FAT3: variants seen among roughly 807,000 people sequenced by gnomAD.
The protein encoded by FAT3 is protocadherin Fat 3.
Under a neutral mutation model 310.2 loss-of-function variants are expected in FAT3, and 95 were observed. The ratio of observed to expected loss-of-function variants is 0.31; its 90% CI spans 0.26 to 0.36. FAT3 has a LOEUF of 0.36. Ranked by LOEUF, FAT3 falls within the 10% of genes least tolerant of loss-of-function variation. The pLI is 1.00. For synonymous variants in FAT3, 2,314 were observed against 2,192.9 expected (o/e 1.06, Z -1.54); for missense variants, 5,408 against 5,715.6 (o/e 0.95, Z 1.74).
At chr11:92,669,552 T>G (rs1943065887) in intron 3 of FAT3, among the ~76,000 whole-genome samples, 1 of 152,204 alleles carries the variant, frequency 6.6e-6, no homozygotes, top group Non-Finnish European at 1.5e-5. Flanking sequence ...AATTTATGCT[T>G]TAAAGACAAT....
At chr11:92,258,926 A>G (rs977244685) in intron 1 of FAT3, among the ~76,000 whole-genome samples, 1 of 151,080 alleles carries the variant, frequency 6.6e-6, no homozygotes, top group Non-Finnish European at 1.5e-5. Context: ...GGAGAGGAAG[A>G]TGAAGGATTA....
intron 2 of FAT3, among the ~76,000 whole-genome samples, chr11:92,494,624 T>C (rs1331324388): frequency 6.6e-6 from 1 of 152,016 alleles, no homozygotes; most frequent in East Asian, 1.9e-4. Context: ...ATACATATTA[T>C]AGAGATGAGG....
rs913565724 is a variant in FAT3 at position 92,507,576 on chromosome 11, T to G, written c.3293-17058T>G. ...TGTATATATATACACACACATATCC[T>G]ATATCTGTACACCCTATATAACATA... On this transcript the variant is annotated intron_variant, in intron 2 of 27. Coordinates refer to ENST00000525166, the MANE Select transcript of FAT3 (RefSeq NM_001367949.2). Among the ~76,000 whole-genome samples the G allele has an allele frequency of 1.2e-3, 180 of 151,960 alleles. 15 individuals carry two copies. The highest frequency in any genetic ancestry group is 8.3e-4 in the South Asian group (4 of 4,820).
At chr11:92,836,258 C>T (rs1033302384) in intron 15 of FAT3, among the ~76,000 whole-genome samples, 6 of 152,136 alleles carry the variant, frequency 3.9e-5, no homozygotes, top group African/African-American at 1.4e-4. Flanking sequence ...CAAAGCGTTC[C>T]TGTCCATTAG....
intron 1 of FAT3, among the ~76,000 whole-genome samples, chr11:92,231,447 T>C (rs1864176867): frequency 6.6e-6 from 1 of 152,200 alleles, no homozygotes; most frequent in Non-Finnish European, 1.5e-5. Context: ...TTGCAAATAA[T>C]ATTTCAGTTA....
At chr11:92,349,979 G>GAA (rs34283403) in intron 1 of FAT3, among the ~76,000 whole-genome samples, 12 of 124,564 alleles carry the variant, frequency 9.6e-5, no homozygotes, top group Non-Finnish European at 1.9e-4. Context: ...AGGTGGAGCT[G>GAA]AAAAAAAAAA....
At chr11:92,831,458 T>TC (rs1948247748) in intron 13 of FAT3, among the ~76,000 whole-genome samples, 164 bp from the exon 14 acceptor site, 1 of 152,194 alleles carries the variant, frequency 6.6e-6, no homozygotes. Context: ...GTCTTTTTTT[T>TC]CCCATAAACT....
At chr11:92,777,538 A>G (rs1315732467) in intron 7 of FAT3, among the ~76,000 whole-genome samples, 1 of 152,186 alleles carries the variant, frequency 6.6e-6, no homozygotes, top group Non-Finnish European at 1.5e-5. Context: ...AACACTGACA[A>G]AAACCTCCTA....
Position 92,880,998 on chromosome 11 carries a change from A to G in FAT3, c.12281+114A>G, listed in dbSNP as rs987705339. 1.8e-5 allele frequency: 21 copies of G among 1,166,444 alleles called. No individual in the cohort carries two copies. In the African/African-American group the frequency reaches 3.2e-4, roughly 18 times the overall value. The allele number at this position is 1,166,444 out of a possible 1,614,324, so 72.3% of individuals were successfully genotyped here. On this transcript the variant is annotated intron_variant, in intron 23 of 27. Transcript: ENST00000525166. ...CCACTAATAGTACAGGCAAAGGGTT[A>G]ACATCTGCACGATACGTATAAGGAG...
chr11:92,732,754 T>C (rs1397739782), intron 4 of FAT3, among the ~76,000 whole-genome samples: 1 of 152,198 alleles, frequency 6.6e-6, no homozygotes, highest in African/African-American at 2.4e-5. Context: ...TCAATAAACA[T>C]TTATAGAGAA....
chr11:92,529,902 C>G (rs192021618), intron 3 of FAT3, among the ~76,000 whole-genome samples: 33 of 152,228 alleles, frequency 2.2e-4, no homozygotes, highest in Admixed American at 1.8e-3. Flanking sequence ...TGAAATAAAC[C>G]TGAGTAAAAC....
chr11:92,535,144 T>C (rs149674487), intron 3 of FAT3, among the ~76,000 whole-genome samples: 151 of 152,272 alleles, frequency 9.9e-4, no homozygotes, highest in African/African-American at 3.4e-3. Flanking sequence ...TCCTTTAGCT[T>C]AAAATACTCC....
intron 4 of FAT3, among the ~76,000 whole-genome samples, chr11:92,754,124 C>T (rs1945907171): frequency 6.6e-6 from 1 of 151,726 alleles, no homozygotes; most frequent in African/African-American, 2.4e-5. Context: ...ACCCCAATAA[C>T]ATATGGAAAT....
chr11:92,821,310 C>G (rs544561573), intron 13 of FAT3, among the ~76,000 whole-genome samples: 1 of 152,206 alleles, frequency 6.6e-6, no homozygotes, highest in Non-Finnish European at 1.5e-5. Flanking sequence ...CCAGTAATTT[C>G]TACAAGAAAA....
Position 92,753,798 on chromosome 11 carries a change from G to GTGTGTGTGTGTGTGTGTATATA in FAT3, c.3670-8057_3670-8056insGTGTGTGTGTGTGTGTATATAT. On this transcript the variant is annotated intron_variant, in intron 4 of 27. Coordinates refer to ENST00000525166, the MANE Select transcript of FAT3 (RefSeq NM_001367949.2). ...GGTGTGTGTGTGTGTGTGTGTGTGT[G>GTGTGTGTGTGTGTGTGTATATA]TATATATATATGGTGGAATACTACT... Among the ~76,000 whole-genome samples the GTGTGTGTGTGTGTGTGTATATA allele has an allele frequency of 2.5e-5, 3 of 119,116 alleles. 1 individual carries two copies. Among genetic ancestry groups the GTGTGTGTGTGTGTGTGTATATA allele is most frequent in the African/African-American group, 1.2e-4 (3 of 25,684 alleles). 78.1% of individuals were successfully genotyped at this position (119,116 alleles called of 152,430 possible). A position where few individuals can be genotyped will look rare whatever the true frequency, so the allele number is the denominator to read the frequency against.
chr11:92,877,644 C>T (rs1949564121), intron 22 of FAT3, among the ~76,000 whole-genome samples: 1 of 152,170 alleles, frequency 6.6e-6, no homozygotes, highest in Non-Finnish European at 1.5e-5. Context: ...CTCAGTTTTA[C>T]AGTTGCTGAG....
rs558282697 is a variant in FAT3, at chr11:92,287,921, C to T, written c.-18+62747C>T. Reference sequence around the variant, plus strand: ...TGTTAAAGTGGCCTAAGTTTGGAGCCGTTTTGCAGGCACAGAAAAACTGCA... The same window carrying T: ...TGTTAAAGTGGCCTAAGTTTGGAGCTGTTTTGCAGGCACAGAAAAACTGCA... On this transcript the variant is annotated intron_variant, in intron 1 of 27. Transcript: ENST00000525166. 4.6e-5 allele frequency among the ~76,000 whole-genome samples: 7 copies of T among 152,090 alleles called. 1 individual carries two copies. The South Asian group carries it at 1.5e-3, about 32-fold the overall frequency.
At chr11:92,547,192 C>A (rs753866553) in intron 3 of FAT3, among the ~76,000 whole-genome samples, 3 of 152,190 alleles carry the variant, frequency 2.0e-5, no homozygotes, top group South Asian at 2.1e-4. Flanking sequence ...AATAGCCAGT[C>A]TCACCCTGCC....
chr11:92,316,826 C>T (rs775237837), intron 1 of FAT3, among the ~76,000 whole-genome samples: 10 of 152,274 alleles, frequency 6.6e-5, no homozygotes, highest in Middle Eastern at 6.8e-3. Context: ...TATTTAATAG[C>T]CACATTGTAG....
Sources: gnomAD v4.1 joint callset for allele counts (sites outside exome capture counted in the v4.1 genomes callset) on GRCh38, gnomAD v4.1.1 for gene constraint, MANE v1.5 for transcripts, NCBI Gene and HGNC (gene_info 2026-07-23, HGNC 2026-07-21) for gene names.